Variants in RNF144A observed in about 807,000 individuals in gnomAD.
The protein encoded by RNF144A is ring finger protein 144A, also known as E3 ubiquitin-protein ligase RNF144A.
Under a neutral mutation model 38.7 loss-of-function variants are expected in RNF144A, and 11 were observed. The ratio of observed to expected loss-of-function variants is 0.28; its 90% CI spans 0.18 to 0.47. RNF144A has a LOEUF of 0.47. Ranked by LOEUF, RNF144A falls within the 20% of genes least tolerant of loss-of-function variation. The pLI, the probability that RNF144A is intolerant of heterozygous loss-of-function variation, is 0.99. For synonymous variants in RNF144A, 149 were observed against 143.9 expected, an observed-to-expected ratio of 1.04 and a Z score of -0.25; for missense variants, 316 against 377.2, an observed-to-expected ratio of 0.84 and a Z score of 1.34.
rs13412118 is a variant in RNF144A at position 7,066,137 on chromosome 2, G to A, written c.735-2079G>A. Among the ~76,000 whole-genome samples the A allele has an allele frequency of 9.8e-3, 1,490 of 151,754 alleles. 13 individuals are homozygous for A. Among genetic ancestry groups the A allele is most frequent in the Non-Finnish European group, 0.012 (849 of 67,954 alleles). ...GAGTCTCACTCTGTTGCCCAGGCTGGAGTTCAGTGGCCGGATCTCGGCTCA... is the reference window on the plus strand; with the variant it reads ...GAGTCTCACTCTGTTGCCCAGGCTGAAGTTCAGTGGCCGGATCTCGGCTCA... On this transcript the variant is annotated intron_variant, in intron 6 of 6. Coordinates refer to the RNF144A transcript ENST00000432850.
chr2:6,959,289 C>G (rs533279608), intron 2 of RNF144A, among the ~76,000 whole-genome samples: 9 of 152,178 alleles, frequency 5.9e-5, no homozygotes, highest in Admixed American at 2.6e-4. Context: ...GAGTCAGAGA[C>G]TTTAAAAAGG....
intron 2 of RNF144A, among the ~76,000 whole-genome samples, chr2:6,993,263 T>C (rs905315393): frequency 1.3e-5 from 2 of 152,160 alleles, no homozygotes; most frequent in Non-Finnish European, 2.9e-5. Flanking sequence ...TGCTGTGACC[T>C]GCTTCAAATC....
intron 8 of RNF144A, among the ~76,000 whole-genome samples, chr2:7,038,355 G>T (rs981019979): frequency 6.6e-6 from 1 of 152,212 alleles, no homozygotes; most frequent in Non-Finnish European, 1.5e-5. Context: ...CATGGCGGGG[G>T]TGTGTGGGGC....
At chr2:7,033,068 T>C (rs1672432281) in intron 8 of RNF144A, among the ~76,000 whole-genome samples, 1 of 152,250 alleles carries the variant, frequency 6.6e-6, no homozygotes, top group Admixed American at 6.5e-5. Flanking sequence ...TGCCCAACTC[T>C]GGCAGTTTCC....
chr2:7,076,080 A>C, the RNF144A span, among the ~76,000 whole-genome samples: 2 of 152,192 alleles, frequency 1.3e-5, no homozygotes, highest in Admixed American at 1.3e-4. Flanking sequence ...TGCTGCATTG[A>C]GCCTCCCTGT....
At chr2:6,980,694 A>C (rs1261697099) in intron 2 of RNF144A, among the ~76,000 whole-genome samples, 1 of 152,138 alleles carries the variant, frequency 6.6e-6, no homozygotes, top group Admixed American at 6.5e-5. Context: ...CTGTTGGTGG[A>C]TCTACCTTTC....
chr2:7,041,861 T>A lies in RNF144A; in HGVS notation c.*2101T>A. On this transcript the variant is annotated 3_prime_UTR_variant, in exon 9 of 9. Transcript: ENST00000320892. The stretch of plus-strand genomic sequence containing the variant: ...TTTGGAAAGGCTGCATCCCCAGGGC[T>A]AGAGCTCAGATGACCTTATTTCTAG... 1 of 985,372 alleles carries A rather than the reference T, an allele frequency of 1.0e-6. No individual in the cohort carries two copies. The highest frequency in any genetic ancestry group is 1.2e-6 in the Non-Finnish European group (1 of 829,976). 61.0% of individuals were successfully genotyped at this position (985,372 alleles called of 1,614,324 possible).
intron 3 of RNF144A, among the ~76,000 whole-genome samples, chr2:7,008,774 C>A (rs1187380171): frequency 2.0e-5 from 3 of 152,222 alleles, no homozygotes; most frequent in Non-Finnish European, 1.5e-5. Flanking sequence ...TGCTGTCGTG[C>A]CTTGCTCCTG....
chr2:6,991,230 T>C (rs1265532857), intron 2 of RNF144A, among the ~76,000 whole-genome samples: 1 of 152,176 alleles, frequency 6.6e-6, no homozygotes, highest in African/African-American at 2.4e-5. Context: ...GTTTTTATCA[T>C]TGAGTGGGCA....
At chr2:7,070,475 T>C (rs1416167023), downstream of RNF144A, among the ~76,000 whole-genome samples, 1 of 152,224 alleles carries the variant, frequency 6.6e-6, no homozygotes, top group Non-Finnish European at 1.5e-5. Context: ...ACTACTAGTA[T>C]GAGCCTGTTG....
chr2:7,037,002 G>T (rs1015071628), intron 8 of RNF144A, among the ~76,000 whole-genome samples: 3 of 152,178 alleles, frequency 2.0e-5, no homozygotes. Flanking sequence ...AGGGGTAACT[G>T]TTCCTTTAAA....
chr2:6,966,066 T>A (rs1428868800), intron 2 of RNF144A, among the ~76,000 whole-genome samples: 1 of 152,248 alleles, frequency 6.6e-6, no homozygotes, highest in Non-Finnish European at 1.5e-5. Context: ...TTCAAAGTCT[T>A]AGCCCATATA....
chr2:6,934,650 A>G (rs371837158), intron 1 of RNF144A, among the ~76,000 whole-genome samples: 1 of 151,930 alleles, frequency 6.6e-6, no homozygotes, highest in East Asian at 1.9e-4. Flanking sequence ...TTCCCAGCCT[A>G]TTTTTTCCCC....
chr2:7,043,091 C>A lies in RNF144A; in HGVS notation c.*3331C>A. On this transcript the variant is annotated 3_prime_UTR_variant, in exon 9 of 9. Coordinates refer to ENST00000320892, the MANE Select transcript of RNF144A (RefSeq NM_014746.6). ...CCATGTTGGCCAGGCTACTCTCAAA[C>A]TCCTGACCTCAGGTGATCTGCCCAC... The A allele has an allele frequency of 2.8e-6, 2 of 718,608 alleles. No homozygotes were observed. Among genetic ancestry groups the A allele is most frequent in the Non-Finnish European group, 3.4e-6 (2 of 586,618 alleles). 44.5% of individuals were successfully genotyped at this position (718,608 alleles called of 1,614,324 possible).
intron 1 of RNF144A, among the ~76,000 whole-genome samples, chr2:6,936,032 CTG>C (rs1301119412): frequency 4.6e-5 from 7 of 152,260 alleles, no homozygotes; most frequent in Admixed American, 4.6e-4. Flanking sequence ...ACTGCTTTCA[CTG>C]TTCCTTTAGG....
chr2:6,927,064 A>G (rs1013979237), intron 1 of RNF144A, among the ~76,000 whole-genome samples: 1 of 152,194 alleles, frequency 6.6e-6, no homozygotes, highest in Non-Finnish European at 1.5e-5. Flanking sequence ...ACCAGAACAC[A>G]TAGTAAGCCC....
At chr2:7,062,964 A>G (rs923787837) in intron 6 of RNF144A, 3 of 152,218 alleles carry the variant, frequency 2.0e-5, no homozygotes, top group Non-Finnish European at 4.4e-5. Context: ...ATTTATTAGA[A>G]ATATTTTTGA....
In RNF144A at chr2:6,937,238, C is replaced by A. The variant is rs1665650411; in HGVS notation, c.-211-3710C>A. 2.6e-5 allele frequency among the ~76,000 whole-genome samples: 4 copies of A among 152,282 alleles called. No individual in the cohort carries two copies. In the South Asian group the frequency reaches 8.3e-4, roughly 32 times the overall value. On this transcript the variant is annotated intron_variant, in intron 1 of 8. Coordinates refer to ENST00000320892, the MANE Select transcript of RNF144A (RefSeq NM_014746.6). ...GTTAAAAATATGGATGACAAACAAC[C>A]AAGTGAAATGCTATGGCACTTCATT... is the stretch of plus-strand genomic sequence containing the variant.
chr2:6,993,254 G>T (rs1421577255), intron 2 of RNF144A, among the ~76,000 whole-genome samples: 1 of 152,160 alleles, frequency 6.6e-6, no homozygotes, highest in East Asian at 1.9e-4. Context: ...TGGAAATGGT[G>T]CTGTGACCTG....
Sources: gnomAD v4.1 joint callset for allele counts (sites outside exome capture counted in the v4.1 genomes callset) on GRCh38, gnomAD v4.1.1 for gene constraint, MANE v1.5 for transcripts, NCBI Gene and HGNC (gene_info 2026-07-23, HGNC 2026-07-21) for gene names.